CBR3: variants seen among roughly 807,000 people sequenced by gnomAD.
The protein encoded by CBR3 is carbonyl reductase [NADPH] 3.
A neutral mutation model predicts 11.6 loss-of-function variants in CBR3; 14 were observed. That is an observed-to-expected ratio of 1.20 (90% confidence interval 0.79 to 1.88). The LOEUF is 1.88. CBR3 is among the 40% of genes most tolerant of loss of function. The pLI is 0.00. For synonymous variants in CBR3, 125 were observed against 145.6 expected, an observed-to-expected ratio of 0.86 and a Z score of 1.02; for missense variants, 308 against 357.3, an observed-to-expected ratio of 0.86 and a Z score of 1.11.
intron 2 of CBR3, among the ~76,000 whole-genome samples, chr21:36,143,745 T>C (rs538706201): frequency 4.4e-4 from 67 of 151,540 alleles, no homozygotes; most frequent in African/African-American, 1.5e-3. Context: ...TTGAGTGCAG[T>C]GGTGTGTGCC....
rs373052497 is a variant in CBR3 at position 36,143,628 on chromosome 21, C to T, written c.398-2448C>T. On this transcript the variant is annotated intron_variant, in intron 2 of 2. Coordinates refer to ENST00000290354, the MANE Select transcript of CBR3 (RefSeq NM_001236.4). ...GATGCAGTGGCTCACGCCTATAATC[C>T]TAGCACTTTGGGAGGCCAAGGCAGG... 2.6e-5 allele frequency among the ~76,000 whole-genome samples: 4 copies of T among 152,078 alleles called. No individual in the cohort carries two copies. The East Asian group carries it at 5.8e-4, about 22-fold the overall frequency.
chr21:36,135,150 C>G lies in CBR3; in HGVS notation c.-43C>G. ...GGCGCGCCCCAGGTGGTCCGAAGCC[C>G]GGTCCGCCCTCCACGCAGGTGCCCC... On this transcript the variant is annotated 5_prime_UTR_variant, in exon 1 of 3. Coordinates refer to ENST00000290354, the MANE Select transcript of CBR3 (RefSeq NM_001236.4). 2 of 1,412,900 alleles carry G rather than the reference C, an allele frequency of 1.4e-6. No homozygotes were observed. The highest frequency in any genetic ancestry group is 1.6e-5 in the South Asian group (1 of 64,482). 87.5% of individuals were successfully genotyped at this position (1,412,900 alleles called of 1,614,324 possible).
intron 2 of CBR3, among the ~76,000 whole-genome samples, chr21:36,138,137 T>A (rs66601608): frequency 0.063 from 6,554 of 103,556 alleles, 184 homozygotes; most frequent in Non-Finnish European, 0.084. Context: ...AGTTTAGTTT[T>A]GTTTTGTTTG....
At chr21:36,139,729 C>A (rs1323152749) in intron 2 of CBR3, among the ~76,000 whole-genome samples, 1 of 151,618 alleles carries the variant, frequency 6.6e-6, no homozygotes, top group South Asian at 2.1e-4. Context: ...GATTATTGGC[C>A]GGGTGTGGTG....
chr21:36,137,941 A>C lies in CBR3; in HGVS notation c.397+9A>C. 1 of 1,481,576 alleles carries C rather than the reference A, an allele frequency of 6.7e-7. No individual in the cohort carries two copies. 91.8% of individuals were successfully genotyped at this position (1,481,576 alleles called of 1,614,324 possible). On this transcript the variant is annotated intron_variant, in intron 2 of 2. Transcript: ENST00000290354. ...GATAATGAAACCTCATGGTAAGCCC[A>C]ACGTGTGGACAGTCGGGTTGCATCC...
intron 2 of CBR3, chr21:36,141,831 C>A: frequency 1.5e-6 from 1 of 663,230 alleles, no homozygotes; most frequent in Non-Finnish European, 1.9e-6. Flanking sequence ...AGGACACCTC[C>A]TCCCCTTAAG....
intron 1 of CBR3, among the ~76,000 whole-genome samples, chr21:36,136,721 C>A (rs955451895): frequency 1.3e-5 from 2 of 152,062 alleles, no homozygotes; most frequent in African/African-American, 4.8e-5. Context: ...TTGCCCCACA[C>A]CTGCTGAATC....
In CBR3 at chr21:36,146,362, A is replaced by G; in HGVS notation, c.684A>G (p.Pro228=). 1 of 1,614,212 alleles carries G rather than the reference A, an allele frequency of 6.2e-7. No homozygotes were observed. The highest frequency in any genetic ancestry group is 8.5e-7 in the Non-Finnish European group (1 of 1,180,048). ...ADRILVNACC[P]GPVKTDMDGK... is the part of the protein sequence containing the mutation. The stretch of plus-strand genomic sequence containing the variant: ...GGATTCTGGTGAATGCGTGCTGCCC[A>G]GGACCAGTGAAGACAGACATGGATG... Residue 228 remains proline (P), a synonymous_variant, in exon 3 of 3, where the codon CCA becomes CCG. Coordinates refer to ENST00000290354, the MANE Select transcript of CBR3 (RefSeq NM_001236.4).
At chr21:36,138,078 CAG>C in intron 2 of CBR3, 146 bp downstream of exon 2, 1 of 615,654 alleles carries the variant, frequency 1.6e-6, no homozygotes, top group Non-Finnish European at 2.9e-6. Flanking sequence ...CATTTTCCCA[CAG>C]TGTTTGGCTT....
intron 2 of CBR3, among the ~76,000 whole-genome samples, chr21:36,140,048 A>G (rs2065696944): frequency 6.6e-6 from 1 of 151,850 alleles, no homozygotes; most frequent in Non-Finnish European, 1.5e-5. Flanking sequence ...CACCACGCCC[A>G]GCTAATTTTT....
chr21:36,137,507 G>A (rs45579632), intron 1 of CBR3: 364 of 2,852 alleles, frequency 0.13, 3 homozygotes, highest in African/African-American at 0.39. Context: ...AGAAAGAAAG[G>A]AAGGAAGGAA....
intron 2 of CBR3, among the ~76,000 whole-genome samples, chr21:36,145,327 A>T (rs911584076): frequency 1.3e-5 from 2 of 152,070 alleles, no homozygotes; most frequent in African/African-American, 4.8e-5. Flanking sequence ...ATCTTTTTTT[A>T]AATTTGATTA....
At chr21:36,136,552 C>A (rs557506219) in intron 1 of CBR3, among the ~76,000 whole-genome samples, 20 of 152,246 alleles carry the variant, frequency 1.3e-4, no homozygotes, top group Admixed American at 2.0e-4. Flanking sequence ...ATTAACACCC[C>A]CTAATGCAGC....
chr21:36,136,305 T>C (rs550912652), intron 1 of CBR3, among the ~76,000 whole-genome samples: 170 of 55,212 alleles, frequency 3.1e-3, no homozygotes, highest in African/African-American at 8.9e-3. Flanking sequence ...CGAGACTCCG[T>C]ATGAAAAAAA....
intron 2 of CBR3, among the ~76,000 whole-genome samples, chr21:36,142,879 T>TG (rs1383735611): frequency 6.6e-6 from 1 of 152,064 alleles, no homozygotes; most frequent in Non-Finnish European, 1.5e-5. Context: ...ACTAGGTACC[T>TG]GGGGGGATGA....
In CBR3 at chr21:36,146,318, G is replaced by A. The variant is rs781624356; in HGVS notation, c.640G>A (p.Glu214Lys). The change falls in exon 3 of 3, where the codon GAG (glutamate) becomes AAG (lysine). Residue 214 changes from glutamate (E) to lysine (K), a missense_variant. Physicochemically the swap from Glu to Lys is moderately conservative, Grantham distance 56. Coordinates refer to ENST00000290354, the MANE Select transcript of CBR3 (RefSeq NM_001236.4). Reference sequence around the variant, plus strand: ...GAGGATCCTGGCCAGGCGTCTGGATGAGAAGAGGAAAGCTGACAGGATTCT... The same window carrying A: ...GAGGATCCTGGCCAGGCGTCTGGATAAGAAGAGGAAAGCTGACAGGATTCT... ...LSRILARRLD[E>K]KRKADRILVN... 43 of 1,614,070 alleles carry A rather than the reference G, an allele frequency of 2.7e-5. No individual in the cohort carries two copies. The highest frequency in any genetic ancestry group is 3.6e-5 in the Non-Finnish European group (42 of 1,180,044).
In CBR3 at chr21:36,135,463, G is replaced by T; in HGVS notation, c.271G>T (p.Ala91Ser). The T allele has an allele frequency of 6.2e-7, 1 of 1,611,928 alleles. No homozygotes were observed. ...YGGLNVLVNN[A>S]AVAFKSDDPM... ...GGGGCTCAACGTACTGGTCAACAAC[G>T]CGGCCGTCGCCTTCAAGAGTAGGTG... The change falls in exon 1 of 3, where the codon GCG becomes TCG. Residue 91 changes from alanine to serine, a missense_variant. Transcript: ENST00000290354.
chr21:36,146,325 G>A lies in CBR3; in HGVS notation c.647G>A (p.Arg216Lys), dbSNP rs2123355175. Reference sequence around the variant, plus strand: ...CTGGCCAGGCGTCTGGATGAGAAGAGGAAAGCTGACAGGATTCTGGTGAAT... The same window carrying A: ...CTGGCCAGGCGTCTGGATGAGAAGAAGAAAGCTGACAGGATTCTGGTGAAT... ...RILARRLDEK[R>K]KADRILVNAC... Residue 216 changes from arginine to lysine, a missense_variant, in exon 3 of 3, where the codon AGG (arginine) becomes AAG (lysine). Transcript: ENST00000290354. 1 of 1,614,186 alleles carries A rather than the reference G, an allele frequency of 6.2e-7. No homozygotes were observed. Among genetic ancestry groups the A allele is most frequent in the East Asian group, 2.2e-5 (1 of 44,882 alleles).
intron 2 of CBR3, among the ~76,000 whole-genome samples, chr21:36,145,589 C>T (rs1411536616): frequency 6.6e-6 from 1 of 152,158 alleles, no homozygotes; most frequent in African/African-American, 2.4e-5. Flanking sequence ...ATCCACTCCT[C>T]TCAGCCTCCC....
Sources: gnomAD v4.1 joint callset for allele counts (sites outside exome capture counted in the v4.1 genomes callset) on GRCh38, gnomAD v4.1.1 for gene constraint, MANE v1.5 for transcripts, NCBI Gene and HGNC (gene_info 2026-07-23, HGNC 2026-07-21) for gene names.